The following ANKS1B variants were observed in gnomAD, a reference collection of about 807,000 sequenced individuals.
ANKS1B encodes ankyrin repeat and sterile alpha motif domain containing 1B, also known as ankyrin repeat and sterile alpha motif domain-containing protein 1B.
A neutral mutation model predicts 148.3 loss-of-function variants in ANKS1B; 36 were observed. The ratio of observed to expected loss-of-function variants is 0.24; its 90% confidence interval spans 0.19 to 0.32. The LOEUF is 0.32. Ranked by LOEUF, ANKS1B falls within the 10% of genes least tolerant of loss-of-function variation. The probability of loss-of-function intolerance (pLI) is 1.00; values close to 1 mark genes in which losing one functional copy is unlikely to be tolerated. For synonymous variants in ANKS1B, 542 were observed against 560.8 expected, an observed-to-expected ratio of 0.97 and a Z score of 0.47; for missense variants, 1,157 against 1,542.6, an observed-to-expected ratio of 0.75 and a Z score of 4.19.
chr12:98,850,705 G>T (rs1313402779), intron 17 of ANKS1B, among the ~76,000 whole-genome samples: 1 of 151,234 alleles, frequency 6.6e-6, no homozygotes, highest in Non-Finnish European at 1.5e-5. Context: ...CTGACCTCGT[G>T]ATCCGCCCGC....
At chr12:99,685,908 C>G (rs1176872625) in intron 8 of ANKS1B, among the ~76,000 whole-genome samples, 3 of 152,082 alleles carry the variant, frequency 2.0e-5, no homozygotes, top group African/African-American at 7.2e-5. Context: ...TATGTTCTCA[C>G]TTACAAATGG....
intron 16 of ANKS1B, among the ~76,000 whole-genome samples, chr12:99,055,424 T>G (rs1215606112): frequency 6.6e-6 from 1 of 152,138 alleles, no homozygotes; most frequent in African/African-American, 2.4e-5. Flanking sequence ...ATGACTGGAT[T>G]TGGGTCAAAG....
chr12:98,772,263 A>C (rs1193607013), intron 25 of ANKS1B, among the ~76,000 whole-genome samples: 1 of 152,204 alleles, frequency 6.6e-6, no homozygotes, highest in East Asian at 1.9e-4. Flanking sequence ...GATTCAGTTA[A>C]AATGAGGTCA....
chr12:99,544,271 T>G (rs1245390568), intron 9 of ANKS1B, among the ~76,000 whole-genome samples: 1 of 152,182 alleles, frequency 6.6e-6, no homozygotes, highest in Non-Finnish European at 1.5e-5. Flanking sequence ...ATGAAGTATT[T>G]CAATTCTCAC....
intron 19 of ANKS1B, among the ~76,000 whole-genome samples, chr12:98,810,817 T>A (rs1182471051): frequency 6.6e-6 from 1 of 152,238 alleles, no homozygotes; most frequent in Non-Finnish European, 1.5e-5. Context: ...CCATTTTGTA[T>A]GAAATCCAAA....
intron 17 of ANKS1B, among the ~76,000 whole-genome samples, chr12:98,865,304 T>C (rs1004933796): frequency 1.3e-5 from 2 of 152,188 alleles, no homozygotes; most frequent in Non-Finnish European, 2.9e-5. Flanking sequence ...TTAGTCCCTG[T>C]TGTGATAAAT....
chr12:99,632,751 A>T (rs1598466109), intron 9 of ANKS1B, among the ~76,000 whole-genome samples: 1 of 107,426 alleles, frequency 9.3e-6, no homozygotes, highest in African/African-American at 3.5e-5. Flanking sequence ...ATATATATAT[A>T]TATATATATA....
chr12:99,766,844 G>A (rs188647657), intron 8 of ANKS1B, among the ~76,000 whole-genome samples: 2 of 152,176 alleles, frequency 1.3e-5, no homozygotes, highest in Admixed American at 6.5e-5. Context: ...AAATCTGATG[G>A]AAATTGGGTA....
At chr12:99,905,347 C>T (rs972233924) in intron 1 of ANKS1B, among the ~76,000 whole-genome samples, 6 of 152,120 alleles carry the variant, frequency 3.9e-5, no homozygotes, top group Non-Finnish European at 7.4e-5. Context: ...AAAAATCAAG[C>T]ATTAAGAATG....
chr12:99,055,242 G>C (rs548767174), intron 16 of ANKS1B, among the ~76,000 whole-genome samples: 1 of 152,278 alleles, frequency 6.6e-6, no homozygotes, highest in Non-Finnish European at 1.5e-5. Flanking sequence ...AATCACTCTG[G>C]CCCCAGGAAT....
chr12:99,641,617 C>G (rs2098307110), intron 9 of ANKS1B, among the ~76,000 whole-genome samples: 1 of 152,148 alleles, frequency 6.6e-6, no homozygotes, highest in Non-Finnish European at 1.5e-5. Flanking sequence ...ATCAAACCAT[C>G]ATTTTTTCAA....
Position 99,787,961 on chromosome 12 carries a change from T to C in ANKS1B, c.670-5864A>G, listed in dbSNP as rs541539684. On this transcript the variant is annotated intron_variant, in intron 4 of 26. Coordinates refer to ENST00000683438, the MANE Select transcript of ANKS1B (RefSeq NM_001352186.2). ...AGCCCAGCCAGAAGGGAATCACCCA[T>C]GGAATGTGAGTCTCTCAACAAGCCT... is the stretch of plus-strand genomic sequence containing the variant. Among the ~76,000 whole-genome samples the C allele has an allele frequency of 2.3e-4, 35 of 152,268 alleles. No individual in the cohort carries two copies. The South Asian group carries it at 6.8e-3, about 30-fold the overall frequency.
chr12:99,724,934 T>A (rs2058469103), intron 8 of ANKS1B, among the ~76,000 whole-genome samples: 1 of 152,028 alleles, frequency 6.6e-6, no homozygotes, highest in Non-Finnish European at 1.5e-5. Context: ...AGAAATAAAA[T>A]CCTTTCCAGA....
intron 7 of ANKS1B, among the ~76,000 whole-genome samples, chr12:99,774,279 T>G (rs577131642): frequency 6.6e-6 from 1 of 152,190 alleles, no homozygotes; most frequent in South Asian, 2.1e-4. Context: ...TTCACATAAC[T>G]CAATAGCAAA....
At chr12:98,965,551 G>C (rs988058969) in intron 17 of ANKS1B, among the ~76,000 whole-genome samples, 11 of 152,014 alleles carry the variant, frequency 7.2e-5, no homozygotes, top group Admixed American at 7.2e-4. Flanking sequence ...TACAGTAATG[G>C]CCAAAAGACA....
At chr12:99,646,375 T>G (rs1247741083) in intron 9 of ANKS1B, among the ~76,000 whole-genome samples, 2 of 152,194 alleles carry the variant, frequency 1.3e-5, no homozygotes, top group East Asian at 3.9e-4. Context: ...AAGACTCAAG[T>G]GGGCTGGGCA....
Position 98,775,418 on chromosome 12 carries a change from T to C in ANKS1B, c.3442-2239A>G, listed in dbSNP as rs555728420. 1.2e-4 allele frequency among the ~76,000 whole-genome samples: 18 copies of C among 152,194 alleles called. No individual in the cohort carries two copies. The South Asian group carries it at 3.5e-3, about 30-fold the overall frequency. ...CTCCTCCTGTGTCTTTGCTGACCCC[T>C]GAATTTTCTGGAGCCCTCTTCTTCT... is the stretch of plus-strand genomic sequence containing the variant. On this transcript the variant is annotated intron_variant, in intron 24 of 26. Transcript: ENST00000683438.
intron 1 of ANKS1B, among the ~76,000 whole-genome samples, chr12:99,848,488 A>G (rs1438123536): frequency 3.3e-5 from 5 of 152,188 alleles, no homozygotes; most frequent in African/African-American, 1.2e-4. Context: ...ATATCACGAT[A>G]ATGTAAAAGA....
intron 10 of ANKS1B, among the ~76,000 whole-genome samples, chr12:99,498,850 AT>A (rs1761609631): frequency 6.6e-6 from 1 of 152,192 alleles, no homozygotes; most frequent in Non-Finnish European, 1.5e-5. Flanking sequence ...AAGGGAATAC[AT>A]CAGTAACTCC....
Sources: gnomAD v4.1 joint callset for allele counts (sites outside exome capture counted in the v4.1 genomes callset) on GRCh38, gnomAD v4.1.1 for gene constraint, MANE v1.5 for transcripts, NCBI Gene and HGNC (gene_info 2026-07-23, HGNC 2026-07-21) for gene names.